The following EWSR1 variants were observed in gnomAD, a reference collection of about 807,000 sequenced individuals.
The protein encoded by EWSR1 is RNA-binding protein EWS.
Under a neutral mutation model 92.1 loss-of-function variants are expected in EWSR1, and 14 were observed. That is an observed-to-expected ratio of 0.15 (90% confidence interval 0.10 to 0.24). EWSR1 has a LOEUF of 0.24. Among genes scored for constraint, EWSR1 ranks in the 10% least tolerant of loss-of-function variants. EWSR1 has a pLI of 1.00. For missense variants in EWSR1, 637 were observed against 870.9 expected (o/e 0.73, Z 3.38); for synonymous variants, 303 against 292.9 (o/e 1.03, Z -0.35).
At chr22:29,291,919 A>G (rs530748039) in intron 9 of EWSR1, 1 of 591,012 alleles carries the variant, frequency 1.7e-6, no homozygotes, top group South Asian at 2.2e-5. Context: ...TATTTGGTTA[A>G]TGGTTTAGAA....
At chr22:29,286,047 G>A (rs965738650) in intron 6 of EWSR1, among the ~76,000 whole-genome samples, 2 of 152,008 alleles carry the variant, frequency 1.3e-5, no homozygotes, top group African/African-American at 4.8e-5. Context: ...CACCATGTTA[G>A]CCAGGATGGT....
intron 8 of EWSR1, chr22:29,290,792 A>T (rs1243699903): frequency 1.4e-6 from 1 of 707,448 alleles, no homozygotes. Context: ...GTTAGAAAAA[A>T]CTCAGGGCCT....
In EWSR1 at chr22:29,275,817, G is replaced by A. The variant is rs193193987; in HGVS notation, c.226+1953G>A. ...TTCTTAAAAACTTCTTAATTTTTAC[G>A]TTGAACAAAAGTTTTGGTTTGTGTA... On this transcript the variant is annotated intron_variant, in intron 4 of 16. Coordinates refer to ENST00000397938, the MANE Select transcript of EWSR1 (RefSeq NM_005243.4). 2.0e-4 allele frequency: 47 copies of A among 230,556 alleles called. No homozygotes were observed. The East Asian group carries it at 2.2e-3, about 11-fold the overall frequency. 14.3% of individuals were successfully genotyped at this position (230,556 alleles called of 1,614,324 possible).
intron 7 of EWSR1, among the ~76,000 whole-genome samples, chr22:29,287,874 A>G (rs1398872191): frequency 6.6e-6 from 1 of 152,004 alleles, no homozygotes; most frequent in Non-Finnish European, 1.5e-5. Context: ...GTTTGTTTAT[A>G]TCCATTAAGG....
chr22:29,297,491 C>T (rs1173510664), intron 12 of EWSR1, among the ~76,000 whole-genome samples: 1 of 152,118 alleles, frequency 6.6e-6, no homozygotes, highest in Non-Finnish European at 1.5e-5. Context: ...AAGGAGTTCA[C>T]TAGCAGCCTG....
chr22:29,272,107 TC>T, intron 1 of EWSR1, 108 bp from the exon 2 acceptor site: 1 of 966,430 alleles, frequency 1.0e-6, no homozygotes. Flanking sequence ...TTGGCAGGTC[TC>T]CCTACAGTTT....
chr22:29,271,730 T>C (rs1163864562), intron 1 of EWSR1, among the ~76,000 whole-genome samples: 14 of 152,234 alleles, frequency 9.2e-5, no homozygotes, highest in Non-Finnish European at 1.9e-4. Context: ...GAATGATGGT[T>C]TGTCTAACTT....
chr22:29,289,619 T>C lies in EWSR1; in HGVS notation c.974+833T>C, dbSNP rs1329384530. 27 of 232,290 alleles carry C rather than the reference T, an allele frequency of 1.2e-4. No individual in the cohort carries two copies. In the East Asian group the frequency reaches 1.6e-3, roughly 14 times the overall value. 14.4% of individuals were successfully genotyped at this position (232,290 alleles called of 1,614,324 possible). ...GTTCTGTGTGTGTTCTGTCCCTATA[T>C]AAACTGGTAAAGAAAAAAAAAAGTT... On this transcript the variant is annotated intron_variant, in intron 8 of 16. Coordinates refer to ENST00000397938, the MANE Select transcript of EWSR1 (RefSeq NM_005243.4).
chr22:29,298,493 T>TGAGA (rs2061053169), intron 13 of EWSR1, among the ~76,000 whole-genome samples: 2 of 147,224 alleles, frequency 1.4e-5, no homozygotes, highest in African/African-American at 5.0e-5. Context: ...GGCAACAGTG[T>TGAGA]GAGACTCCGT....
chr22:29,299,944 G>A (rs1160604046), intron 16 of EWSR1, 93 bp downstream of exon 16: 6 of 1,543,580 alleles, frequency 3.9e-6, no homozygotes, highest in African/African-American at 1.4e-5. Flanking sequence ...ATGTCTCTAG[G>A]AAGCTTGTGA....
Position 29,299,327 on chromosome 22 carries a change from C to G in EWSR1, c.1674C>G (p.Pro558=), listed in dbSNP as rs373600548. ...GCTTCCTCCCGCCACCCTTTCCGCC[C>G]CCGGGTAGGTGCAGGTTTCATGAGT... is the stretch of plus-strand genomic sequence containing the variant. The part of the protein sequence containing the change: ...PEGFLPPPFP[P]PGGDRGRGGP... Residue 558 remains proline (P), a synonymous_variant, in exon 15 of 17, where the codon CCC becomes CCG. Coordinates refer to ENST00000397938, the MANE Select transcript of EWSR1 (RefSeq NM_005243.4). 4 of 1,613,346 alleles carry G rather than the reference C, an allele frequency of 2.5e-6. No individual in the cohort carries two copies. The highest frequency in any genetic ancestry group is 3.4e-6 in the Non-Finnish European group (4 of 1,179,458).
At chr22:29,283,130 TC>T (rs1456572207) in intron 6 of EWSR1, among the ~76,000 whole-genome samples, 1 of 152,242 alleles carries the variant, frequency 6.6e-6, no homozygotes, top group Non-Finnish European at 1.5e-5. Context: ...TTAAGTTTCT[TC>T]CTTTTGCTGT....
At chr22:29,279,156 C>G (rs1461993883) in intron 5 of EWSR1, among the ~76,000 whole-genome samples, 1 of 152,040 alleles carries the variant, frequency 6.6e-6, no homozygotes, top group African/African-American at 2.4e-5. Flanking sequence ...TGTTTTCACT[C>G]AAAACAGCAT....
intron 8 of EWSR1, chr22:29,291,243 C>A: frequency 3.0e-6 from 1 of 335,562 alleles, no homozygotes; most frequent in South Asian, 1.1e-4. Flanking sequence ...ATACCAAGCT[C>A]TTCTGGTTTT....
chr22:29,273,330 C>T (rs1298221113), intron 3 of EWSR1, among the ~76,000 whole-genome samples: 3 of 152,160 alleles, frequency 2.0e-5, no homozygotes, highest in Non-Finnish European at 4.4e-5. Context: ...CATTTGTCTT[C>T]GTACCTTTTG....
At chr22:29,280,658 T>TTGGA (rs993724052) in intron 5 of EWSR1, among the ~76,000 whole-genome samples, 1 of 151,156 alleles carries the variant, frequency 6.6e-6, no homozygotes, top group Non-Finnish European at 1.5e-5. Flanking sequence ...TTCTGGTTGG[T>TTGGA]TGGATGGTTT....
rs41281613 is a variant in EWSR1 at position 29,278,267 on chromosome 22, A to G, written c.413+51A>G. On this transcript the variant is annotated intron_variant, in intron 5 of 16. Coordinates refer to ENST00000397938, the MANE Select transcript of EWSR1 (RefSeq NM_005243.4). ...TCAGTCTTATGTTGGAGGGAAAGAA[A>G]GCAACTGTGTACACTTAAAATAATC... is the stretch of plus-strand genomic sequence containing the variant. 5.3e-3 allele frequency: 8,207 copies of G among 1,554,092 alleles called. 35 individuals are homozygous for G. The highest frequency in any genetic ancestry group is 6.1e-3 in the Non-Finnish European group (6,941 of 1,139,228).
At chr22:29,277,357 T>G (rs2059201031) in intron 4 of EWSR1, 1 of 224,802 alleles carries the variant, frequency 4.4e-6, no homozygotes, top group Admixed American at 5.7e-5. Flanking sequence ...AATGTTTGTT[T>G]GGAGCAATAT....
At chr22:29,282,767 T>C (rs1403246484) in intron 6 of EWSR1, among the ~76,000 whole-genome samples, 5 of 151,666 alleles carry the variant, frequency 3.3e-5, no homozygotes, top group Admixed American at 2.0e-4. Context: ...TTTCTTTTTT[T>C]TTTTTTTTCC....
Sources: allele counts gnomAD v4.1 joint callset (sites outside exome capture counted in the v4.1 genomes callset), GRCh38; gene constraint gnomAD v4.1.1; transcripts MANE v1.5; gene names NCBI Gene and HGNC (gene_info 2026-07-23, HGNC 2026-07-21).